The following WNT7A variants were observed in gnomAD, a reference collection of about 807,000 sequenced individuals.
WNT7A encodes the protein protein Wnt-7a.
WNT7A carries 16 observed loss-of-function variants against 28.2 expected under a neutral mutation model. The observed-to-expected ratio is 0.57, with a 90% confidence interval of 0.38 to 0.86. The LOEUF (loss-of-function observed/expected upper bound fraction) is 0.86, where lower values mean the gene tolerates loss of function less well. Ranked by LOEUF, WNT7A falls within the 40% of genes least tolerant of loss-of-function variation. WNT7A has a pLI of 0.00. For synonymous variants in WNT7A, 190 were observed against 195.9 expected (o/e 0.97, Z 0.25); for missense variants, 411 against 489.7 (o/e 0.84, Z 1.52).
intron 3 of WNT7A, among the ~76,000 whole-genome samples, chr3:13,850,483 C>T (rs1004103374): frequency 1.3e-5 from 2 of 152,126 alleles, no homozygotes; most frequent in South Asian, 2.1e-4. Flanking sequence ...GACACCCCTC[C>T]GTGTGCAAGA....
At chr3:13,878,105 G>A (rs566616141) in intron 1 of WNT7A, among the ~76,000 whole-genome samples, 1 of 152,300 alleles carries the variant, frequency 6.6e-6, no homozygotes, top group African/African-American at 2.4e-5. Context: ...CGGAAAGCCA[G>A]CGCCCTGCAG....
chr3:13,822,272 CAT>C (rs1290269064), intron 3 of WNT7A, among the ~76,000 whole-genome samples: 1 of 152,236 alleles, frequency 6.6e-6, no homozygotes, highest in Non-Finnish European at 1.5e-5. Flanking sequence ...AAAATGAGTA[CAT>C]GATTGCTCAT....
At chr3:13,834,508 C>T (rs1046327278) in intron 3 of WNT7A, among the ~76,000 whole-genome samples, 1 of 152,026 alleles carries the variant, frequency 6.6e-6, no homozygotes, top group African/African-American at 2.4e-5. Flanking sequence ...CCAGGCATCC[C>T]CTGCTGCCTC....
At chr3:13,851,051 T>C (rs558137419) in intron 3 of WNT7A, among the ~76,000 whole-genome samples, 2 of 152,220 alleles carry the variant, frequency 1.3e-5, no homozygotes, top group East Asian at 3.9e-4. Context: ...TACGACCCTG[T>C]TCCTCCACAC....
intron 2 of WNT7A, among the ~76,000 whole-genome samples, chr3:13,868,826 A>AAG (rs150794926): frequency 3.1e-5 from 3 of 98,316 alleles, no homozygotes; most frequent in Admixed American, 2.1e-4. Context: ...GAGAGAGAGA[A>AAG]AGAGAGAAAG....
chr3:13,862,058 G>T (rs1449736892), intron 2 of WNT7A, among the ~76,000 whole-genome samples: 1 of 152,204 alleles, frequency 6.6e-6, no homozygotes, highest in South Asian at 2.1e-4. Context: ...CACTGGGGGA[G>T]CCCCAAGCAA....
intron 3 of WNT7A, among the ~76,000 whole-genome samples, chr3:13,835,207 T>C (rs1283666793): frequency 6.6e-6 from 1 of 152,020 alleles, no homozygotes; most frequent in African/African-American, 2.4e-5. Flanking sequence ...TGGTTCTCGC[T>C]GGGGTCAGAG....
chr3:13,819,422 A>G lies in WNT7A; in HGVS notation c.572T>C (p.Ile191Thr), dbSNP rs1341360437. 6.2e-7 allele frequency: 1 copy of G among 1,612,454 alleles called. No individual in the cohort carries two copies. The highest frequency in any genetic ancestry group is 1.3e-5 in the African/African-American group (1 of 74,910). The change falls in exon 4 of 4, where the codon ATC becomes ACC. Residue 191 changes from isoleucine to threonine, a missense_variant and splice_region_variant. Physicochemically the swap from Ile to Thr is moderately conservative, Grantham distance 89. Transcript: ENST00000285018. Reference sequence around the variant, plus strand: ...TTCCAGCTTCATGTTCTCCTCCAGGATCTGCAGGGGAGGGCGGGGAAGAGC... The same window carrying G: ...TTCCAGCTTCATGTTCTCCTCCAGGGTCTGCAGGGGAGGGCGGGGAAGAGC... ...NLHNNEAGRKILEENMKLECK... is the reference protein window; with the variant it reads ...NLHNNEAGRKTLEENMKLECK...
At chr3:13,839,813 C>T (rs745957473) in intron 3 of WNT7A, among the ~76,000 whole-genome samples, 1 of 152,166 alleles carries the variant, frequency 6.6e-6, no homozygotes, top group Non-Finnish European at 1.5e-5. Context: ...TTGCCCAGGG[C>T]CTGTTTTACA....
intron 2 of WNT7A, among the ~76,000 whole-genome samples, chr3:13,864,847 T>C (rs1694885931): frequency 6.6e-6 from 1 of 152,242 alleles, no homozygotes; most frequent in African/African-American, 2.4e-5. Context: ...CATGCTTTCC[T>C]GTACTTGTAT....
At chr3:13,869,062 G>A (rs1158109605) in intron 2 of WNT7A, among the ~76,000 whole-genome samples, 1 of 149,512 alleles carries the variant, frequency 6.7e-6, no homozygotes, top group Non-Finnish European at 1.5e-5. Context: ...AAGAGAGAGA[G>A]AAAGCAAGTG....
intron 2 of WNT7A, among the ~76,000 whole-genome samples, chr3:13,874,443 T>C (rs9874530): frequency 0.074 from 11,283 of 152,106 alleles, 1,360 homozygotes; most frequent in African/African-American, 0.26. Context: ...AAGCGGATCA[T>C]GTCACAGGAA....
chr3:13,819,395 C>T lies in WNT7A; in HGVS notation c.599G>A (p.Cys200Tyr). 1 of 1,613,716 alleles carries T rather than the reference C, an allele frequency of 6.2e-7. No individual in the cohort carries two copies. The highest frequency in any genetic ancestry group is 8.5e-7 in the Non-Finnish European group (1 of 1,179,942). The change falls in exon 4 of 4, where the codon TGT becomes TAT. Residue 200 changes from cysteine (C) to tyrosine (Y), a missense_variant. Cys to Tyr is a radical substitution (Grantham distance 194, BLOSUM62 -2). Transcript: ENST00000285018. ...CGAGCCTGACACGCCGTGGCACTTA[C>T]ATTCCAGCTTCATGTTCTCCTCCAG... Reference protein sequence around the residue: ...KILEENMKLECKCHGVSGSCT... With the variant: ...KILEENMKLEYKCHGVSGSCT...
chr3:13,862,733 C>T (rs772275335), intron 2 of WNT7A, among the ~76,000 whole-genome samples: 16 of 152,208 alleles, frequency 1.1e-4, no homozygotes, highest in Non-Finnish European at 2.2e-4. Context: ...GGGGTGTGTG[C>T]AAGCCCCAGC....
chr3:13,854,576 C>A lies in WNT7A; in HGVS notation c.526G>T (p.Ala176Ser), dbSNP rs200065855. 1.6e-5 allele frequency: 26 copies of A among 1,614,184 alleles called. No individual in the cohort carries two copies. In the African/African-American group the frequency reaches 2.8e-4, roughly 17 times the overall value. ...TTGTGCAAGTTCATGAGAGTCCGGG[C>A]ATTCTGCTTGATCTCCCGGGCATCC... ...FVDAREIKQN[A>S]RTLMNLHNNE... The change falls in exon 3 of 4, where the codon GCC (alanine) becomes TCC (serine). Residue 176 changes from alanine (A) to serine (S), a missense_variant. Coordinates refer to ENST00000285018, the MANE Select transcript of WNT7A (RefSeq NM_004625.4).
At chr3:13,831,747 C>T (rs969727754) in intron 3 of WNT7A, among the ~76,000 whole-genome samples, 1 of 152,140 alleles carries the variant, frequency 6.6e-6, no homozygotes, top group African/African-American at 2.4e-5. Context: ...ATCTCCCTGC[C>T]TCCATGGGGC....
intron 3 of WNT7A, among the ~76,000 whole-genome samples, chr3:13,827,265 G>T (rs1257233754): frequency 6.6e-6 from 1 of 152,240 alleles, no homozygotes; most frequent in Non-Finnish European, 1.5e-5. Flanking sequence ...ATGTATGTAA[G>T]CAGCAGCTGG....
chr3:13,868,594 G>A (rs1223913167), intron 2 of WNT7A, among the ~76,000 whole-genome samples: 3 of 10,936 alleles, frequency 2.7e-4, no homozygotes, highest in Admixed American at 9.8e-4. Context: ...GAGAGAGGGA[G>A]AAAGAAAGAA....
chr3:13,860,358 T>G (rs149842040), intron 2 of WNT7A, among the ~76,000 whole-genome samples: 1 of 152,308 alleles, frequency 6.6e-6, no homozygotes, highest in East Asian at 1.9e-4. Context: ...AACCCCATGG[T>G]TAGAGATTCT....
Sources: allele counts gnomAD v4.1 joint callset (sites outside exome capture counted in the v4.1 genomes callset), GRCh38; gene constraint gnomAD v4.1.1; transcripts MANE v1.5; gene names NCBI Gene and HGNC (gene_info 2026-07-23, HGNC 2026-07-21).